Variants in TACR3 observed in about 807,000 individuals in gnomAD.
The protein encoded by TACR3 is neuromedin-K receptor.
TACR3 carries 34 observed loss-of-function variants against 35.0 expected under a neutral mutation model. That is an observed-to-expected ratio of 0.97 (90% CI 0.74 to 1.30). The LOEUF (loss-of-function observed/expected upper bound fraction) is 1.30, where lower values mean the gene tolerates loss of function less well. Ranked by LOEUF, TACR3 falls within the 50% of genes most tolerant of loss-of-function variation. The pLI is 0.00. For missense variants in TACR3, 558 were observed against 591.7 expected (o/e 0.94, Z 0.59); for synonymous variants, 233 against 221.1 (o/e 1.05, Z -0.48).
At position 103,695,701 on chromosome 4, in the gene TACR3, GTC is replaced by G. The variant is rs751084237; in HGVS notation, c.548+23425_548+23426del. On this transcript the variant is annotated intron_variant, in intron 1 of 4. Coordinates refer to ENST00000304883, the MANE Select transcript of TACR3 (RefSeq NM_001059.3). ...TCAAGGGTCAACAGAATATAGATAT[GTC>G]TCTCTCTCTGTGTGTGTGTGTGTGT... is the stretch of plus-strand genomic sequence containing the variant. 3.0e-4 allele frequency among the ~76,000 whole-genome samples: 43 copies of G among 144,814 alleles called. 1 individual carries two copies. The highest frequency in any genetic ancestry group is 6.0e-4 in the East Asian group (3 of 5,036).
In TACR3 at chr4:103,719,405, C is replaced by T. The variant is rs1308753236; in HGVS notation, c.271G>A (p.Ala91Thr). 2.5e-6 allele frequency: 4 copies of T among 1,614,250 alleles called. No individual in the cohort carries two copies. The highest frequency in any genetic ancestry group is 2.5e-6 in the Non-Finnish European group (3 of 1,180,052). The change falls in exon 1 of 5, where the codon GCG (alanine) becomes ACG (threonine). Residue 91 changes from alanine (A) to threonine (T), a missense_variant. Coordinates refer to ENST00000304883, the MANE Select transcript of TACR3 (RefSeq NM_001059.3). ...GCCACTGCCACCACCACACCATACGCCAGGGACCAGAGCGCGATGCGCCAG... is the reference window on the plus strand; with the variant it reads ...GCCACTGCCACCACCACACCATACGTCAGGGACCAGAGCGCGATGCGCCAG... Reference protein sequence around the residue: ...PSWRIALWSLAYGVVVAVAVL... With the variant: ...PSWRIALWSLTYGVVVAVAVL...
At chr4:103,705,088 G>A (rs1722754289) in intron 1 of TACR3, among the ~76,000 whole-genome samples, 1 of 151,866 alleles carries the variant, frequency 6.6e-6, no homozygotes, top group Non-Finnish European at 1.5e-5. Flanking sequence ...CTTTAAATAT[G>A]AGTTTTTATT....
At chr4:103,645,884 G>A (rs1245861164) in intron 3 of TACR3, among the ~76,000 whole-genome samples, 1 of 151,814 alleles carries the variant, frequency 6.6e-6, no homozygotes, top group African/African-American at 2.4e-5. Flanking sequence ...ATGTGACCAA[G>A]ATTACTCCTA....
At chr4:103,651,134 C>T (rs1421630948) in intron 3 of TACR3, among the ~76,000 whole-genome samples, 10 of 149,418 alleles carry the variant, frequency 6.7e-5, no homozygotes, top group East Asian at 3.9e-4. Context: ...GTGTCCTTCC[C>T]TTCAGGGTGG....
chr4:103,708,067 C>A (rs1197013238), intron 1 of TACR3, among the ~76,000 whole-genome samples: 5 of 152,226 alleles, frequency 3.3e-5, no homozygotes, highest in African/African-American at 1.2e-4. Flanking sequence ...TAGACTCCAC[C>A]TCTGGGGGCA....
rs546843642 is a variant in TACR3, at chr4:103,635,989, C to T, written c.888+20205G>A. On this transcript the variant is annotated intron_variant, in intron 3 of 4. Coordinates refer to ENST00000304883, the MANE Select transcript of TACR3 (RefSeq NM_001059.3). ...TTTCTCCCCCTCCCTCGTCCTTCTT[C>T]CTCTCTCATAGGCACACACAAAACT... 2.7e-4 allele frequency among the ~76,000 whole-genome samples: 40 copies of T among 148,506 alleles called. No individual in the cohort carries two copies. The South Asian group carries it at 8.2e-3, about 30-fold the overall frequency.
chr4:103,716,699 G>A (rs1723098417), intron 1 of TACR3, among the ~76,000 whole-genome samples: 1 of 152,088 alleles, frequency 6.6e-6, no homozygotes, highest in South Asian at 2.1e-4. Context: ...AGTCAAAGTT[G>A]CAATTATTTT....
At chr4:103,638,249 C>A (rs534145929) in intron 3 of TACR3, among the ~76,000 whole-genome samples, 16 of 150,932 alleles carry the variant, frequency 1.1e-4, no homozygotes, top group African/African-American at 3.9e-4. Flanking sequence ...GAGATATAGA[C>A]CAATGGAACA....
At chr4:103,639,002 C>G (rs892955234) in intron 3 of TACR3, among the ~76,000 whole-genome samples, 1 of 152,104 alleles carries the variant, frequency 6.6e-6, no homozygotes, top group African/African-American at 2.4e-5. Flanking sequence ...GGACTGTAAA[C>G]TAGTTCAACC....
chr4:103,618,869 T>C (rs1386853712), intron 3 of TACR3, among the ~76,000 whole-genome samples: 1 of 152,122 alleles, frequency 6.6e-6, no homozygotes, highest in Non-Finnish European at 1.5e-5. Context: ...GTAAGTGAGA[T>C]GGTGCTTTTG....
At chr4:103,673,983 G>A (rs1435451253) in intron 1 of TACR3, among the ~76,000 whole-genome samples, 3 of 152,118 alleles carry the variant, frequency 2.0e-5, no homozygotes, top group East Asian at 3.8e-4. Flanking sequence ...AGAGAATGAG[G>A]TTTTAGATGA....
intron 3 of TACR3, among the ~76,000 whole-genome samples, chr4:103,639,957 T>G (rs925035257): frequency 6.6e-6 from 1 of 151,996 alleles, no homozygotes; most frequent in African/African-American, 2.4e-5. Context: ...GCATTATCTT[T>G]TAATTAATAA....
At chr4:103,713,421 A>G (rs1051696687) in intron 1 of TACR3, among the ~76,000 whole-genome samples, 13 of 139,648 alleles carry the variant, frequency 9.3e-5, no homozygotes, top group African/African-American at 2.9e-4. Flanking sequence ...GAATTGAACA[A>G]TGAGAACACA....
intron 1 of TACR3, among the ~76,000 whole-genome samples, chr4:103,663,294 G>A (rs1212785279): frequency 6.6e-6 from 1 of 152,120 alleles, no homozygotes; most frequent in Non-Finnish European, 1.5e-5. Context: ...AGGAGTTTGA[G>A]ACCAGCCTGG....
intron 3 of TACR3, among the ~76,000 whole-genome samples, chr4:103,651,330 C>A (rs188774065): frequency 1.3e-4 from 19 of 151,216 alleles, no homozygotes; most frequent in African/African-American, 4.6e-4. Context: ...CCTCTTCCGT[C>A]TTCATTTCAA....
rs192245880 is a variant in TACR3 at position 103,634,805 on chromosome 4, T to G, written c.888+21389A>C. ...AGCTAATAGAGTTACCCAACTCTGGTGATTATTTTAAAAGGTTTTCACATT... is the reference window on the plus strand; with the variant it reads ...AGCTAATAGAGTTACCCAACTCTGGGGATTATTTTAAAAGGTTTTCACATT... On this transcript the variant is annotated intron_variant, in intron 3 of 4. Transcript: ENST00000304883. Among the ~76,000 whole-genome samples the G allele has an allele frequency of 5.1e-3, 781 of 152,202 alleles. 5 individuals carry two copies. Among genetic ancestry groups the G allele is most frequent in the Non-Finnish European group, 7.7e-3 (525 of 68,000 alleles).
intron 1 of TACR3, among the ~76,000 whole-genome samples, chr4:103,669,000 C>T (rs1380888783): frequency 4.6e-5 from 7 of 152,118 alleles, no homozygotes; most frequent in Admixed American, 4.6e-4. Flanking sequence ...CAAATCCACT[C>T]CTCTAGTTAT....
Position 103,597,722 on chromosome 4 carries a change from A to G in TACR3, c.889-6039T>C, listed in dbSNP as rs562424273. Among the ~76,000 whole-genome samples, 30 of 149,846 alleles carry G rather than the reference A, an allele frequency of 2.0e-4. No individual in the cohort carries two copies. The East Asian group carries it at 4.2e-3, about 21-fold the overall frequency. On this transcript the variant is annotated intron_variant, in intron 3 of 4. Coordinates refer to ENST00000304883, the MANE Select transcript of TACR3 (RefSeq NM_001059.3). Reference sequence around the variant, plus strand: ...ATGCAGTTTGGTTTTTTGTCCTTGTAATAGTTTGCTGAGAATGATGGTTTC... The same window carrying G: ...ATGCAGTTTGGTTTTTTGTCCTTGTGATAGTTTGCTGAGAATGATGGTTTC...
intron 1 of TACR3, among the ~76,000 whole-genome samples, chr4:103,694,471 A>G (rs1722480288): frequency 6.6e-6 from 1 of 152,088 alleles, no homozygotes; most frequent in East Asian, 1.9e-4. Context: ...TACCCAGCAC[A>G]ATTCCCACAT....
Sources: allele counts gnomAD v4.1 joint callset (sites outside exome capture counted in the v4.1 genomes callset), GRCh38; gene constraint gnomAD v4.1.1; transcripts MANE v1.5; gene names NCBI Gene and HGNC (gene_info 2026-07-23, HGNC 2026-07-21).